TRPC4: variants seen among roughly 807,000 people sequenced by gnomAD.
TRPC4 encodes transient receptor potential cation channel subfamily C member 4.
In TRPC4, 49 loss-of-function variants were observed where a neutral mutation model predicts 99.4. That is an observed-to-expected ratio of 0.49 (90% CI 0.39 to 0.63). TRPC4 has a LOEUF of 0.63. Among genes scored for constraint, TRPC4 ranks in the 20% least tolerant of loss-of-function variants. The pLI, the probability that TRPC4 is intolerant of heterozygous loss-of-function variation, is 0.00. For synonymous variants in TRPC4, 454 were observed against 425.9 expected, an observed-to-expected ratio of 1.07 and a Z score of -0.81; for missense variants, 898 against 1,152.9, an observed-to-expected ratio of 0.78 and a Z score of 3.20.
At chr13:37,687,542 A>T (rs755825057) in intron 4 of TRPC4, among the ~76,000 whole-genome samples, 1 of 152,204 alleles carries the variant, frequency 6.6e-6, no homozygotes, top group Non-Finnish European at 1.5e-5. Context: ...TCTCTTTGAG[A>T]TAAAACTCTT....
intron 8 of TRPC4, among the ~76,000 whole-genome samples, chr13:37,644,704 A>G (rs984372823): frequency 2.6e-5 from 4 of 151,860 alleles, no homozygotes; most frequent in Non-Finnish European, 5.9e-5. Context: ...CTCCGTCTCT[A>G]CTAAAAATAC....
intron 1 of TRPC4, among the ~76,000 whole-genome samples, chr13:37,803,428 A>G (rs1421720898): frequency 1.3e-5 from 2 of 152,020 alleles, no homozygotes; most frequent in African/African-American, 4.8e-5. Flanking sequence ...TTTCCCATCT[A>G]TTTGTGCACA....
intron 1 of TRPC4, among the ~76,000 whole-genome samples, chr13:37,830,164 T>C (rs1958375526): frequency 6.6e-6 from 1 of 152,144 alleles, no homozygotes; most frequent in South Asian, 2.1e-4. Context: ...ATTTTGATCA[T>C]TTAAAAATGA....
intron 3 of TRPC4, among the ~76,000 whole-genome samples, chr13:37,729,430 C>T (rs1006670564): frequency 1.8e-5 from 2 of 110,462 alleles, no homozygotes; most frequent in Non-Finnish European, 4.5e-5. Flanking sequence ...GGAGGTTTCT[C>T]AAAAATTAAA....
intron 4 of TRPC4, among the ~76,000 whole-genome samples, chr13:37,689,996 C>G (rs1953628667): frequency 6.6e-6 from 1 of 152,114 alleles, no homozygotes; most frequent in African/African-American, 2.4e-5. Flanking sequence ...TAGGACTACT[C>G]TATCTGCTTA....
At chr13:37,804,086 C>T (rs1365421495) in intron 1 of TRPC4, among the ~76,000 whole-genome samples, 3 of 151,938 alleles carry the variant, frequency 2.0e-5, no homozygotes, top group South Asian at 2.1e-4. Flanking sequence ...TTTGATGGTC[C>T]GGATCTTTAA....
intron 8 of TRPC4, among the ~76,000 whole-genome samples, chr13:37,643,512 G>A (rs1951785942): frequency 6.6e-6 from 1 of 152,222 alleles, no homozygotes; most frequent in Non-Finnish European, 1.5e-5. Flanking sequence ...GATGGGTCAT[G>A]AAGGAATCAC....
intron 8 of TRPC4, among the ~76,000 whole-genome samples, chr13:37,643,514 A>C (rs1282065321): frequency 6.6e-6 from 1 of 152,222 alleles, no homozygotes; most frequent in Non-Finnish European, 1.5e-5. Context: ...TGGGTCATGA[A>C]GGAATCACAG....
rs1197272704 is a variant in TRPC4, at chr13:37,842,269, CAA to C, written c.-28+27324_-28+27325del. ...TAGGCAACAGAGCAAGACTCAATCT[CAA>C]AAAAAAAAAAAAAACCTTATACAGA... On this transcript the variant is annotated intron_variant, in intron 1 of 10. Coordinates refer to ENST00000379705, the MANE Select transcript of TRPC4 (RefSeq NM_016179.4). Among the ~76,000 whole-genome samples the C allele has an allele frequency of 7.1e-3, 340 of 47,758 alleles. 3 individuals carry two copies. The highest frequency in any genetic ancestry group is 0.024 in the African/African-American group (325 of 13,332). The allele number at this position is 47,758 out of a possible 152,430, so 31.3% of individuals were successfully genotyped here.
At chr13:37,654,141 A>C (rs1349597559) in intron 7 of TRPC4, among the ~76,000 whole-genome samples, 2 of 152,106 alleles carry the variant, frequency 1.3e-5, no homozygotes, top group African/African-American at 4.8e-5. Context: ...TTATGAGAAA[A>C]ATTGCCTCCC....
chr13:37,724,859 C>T (rs17262400), intron 3 of TRPC4, among the ~76,000 whole-genome samples: 56,467 of 151,938 alleles, frequency 0.37, 11,977 homozygotes, highest in Non-Finnish European at 0.49. Context: ...ACTTGAAAGG[C>T]TGAATTGGTG....
chr13:37,642,683 G>A (rs1158212983), intron 8 of TRPC4, among the ~76,000 whole-genome samples: 4 of 151,910 alleles, frequency 2.6e-5, no homozygotes, highest in South Asian at 2.1e-4. Flanking sequence ...CTTGGTGCCA[G>A]GCAGATTGAA....
chr13:37,802,883 T>C (rs1317279541), intron 1 of TRPC4, among the ~76,000 whole-genome samples: 1 of 152,126 alleles, frequency 6.6e-6, no homozygotes, highest in African/African-American at 2.4e-5. Flanking sequence ...CTTACTGTTG[T>C]ATTCTAAGGG....
rs147765374 is a variant in TRPC4 at position 37,828,603 on chromosome 13, T to C, written c.-28+40992A>G. On this transcript the variant is annotated intron_variant, in intron 1 of 10. Coordinates refer to ENST00000379705, the MANE Select transcript of TRPC4 (RefSeq NM_016179.4). ...AACACAAATGCCCAATAATGATAGA[T>C]TGGATAAAGAAAATGTGGTACATAT... Among the ~76,000 whole-genome samples the C allele has an allele frequency of 5.9e-5, 9 of 152,336 alleles. No homozygotes were observed. In the East Asian group the frequency reaches 1.7e-3, roughly 29 times the overall value.
chr13:37,744,033 T>C (rs1227219819), intron 3 of TRPC4, among the ~76,000 whole-genome samples: 2 of 152,200 alleles, frequency 1.3e-5, no homozygotes, highest in Non-Finnish European at 1.5e-5. Flanking sequence ...CATTCTCTGT[T>C]TCATTTCATG....
chr13:37,797,962 T>C (rs1957301159), intron 1 of TRPC4, among the ~76,000 whole-genome samples: 1 of 152,128 alleles, frequency 6.6e-6, no homozygotes, highest in African/African-American at 2.4e-5. Context: ...ATCCCAGAGG[T>C]TTATTTCTTT....
chr13:37,813,876 C>T (rs750721245), intron 1 of TRPC4, among the ~76,000 whole-genome samples: 1 of 151,448 alleles, frequency 6.6e-6, no homozygotes, highest in Non-Finnish European at 1.5e-5. Flanking sequence ...AATACAAAGA[C>T]ATTACAAGAA....
At chr13:37,757,000 C>T (rs1956113885) in intron 2 of TRPC4, among the ~76,000 whole-genome samples, 1 of 151,836 alleles carries the variant, frequency 6.6e-6, no homozygotes, top group Non-Finnish European at 1.5e-5. Flanking sequence ...CTGAAGCATC[C>T]TGTGGACCCT....
intron 1 of TRPC4, among the ~76,000 whole-genome samples, chr13:37,828,241 C>T (rs554203721): frequency 1.1e-3 from 175 of 152,310 alleles, no homozygotes; most frequent in East Asian, 3.3e-3. Flanking sequence ...TTCTGCGTTG[C>T]TCACGCTGGG....
Sources: gnomAD v4.1 joint callset for allele counts (sites outside exome capture counted in the v4.1 genomes callset) on GRCh38, gnomAD v4.1.1 for gene constraint, MANE v1.5 for transcripts, NCBI Gene and HGNC (gene_info 2026-07-23, HGNC 2026-07-21) for gene names.